Variants in TMEM213 observed in about 807,000 individuals in gnomAD.
The protein encoded by TMEM213 is transmembrane protein 213.
TMEM213 carries 7 observed loss-of-function variants against 11.6 expected under a neutral mutation model. The ratio of observed to expected loss-of-function variants is 0.60; its 90% confidence interval spans 0.34 to 1.13. TMEM213 has a LOEUF of 1.13. Among genes scored for constraint, TMEM213 ranks in the 50% most tolerant of loss-of-function variants. TMEM213 has a pLI of 0.03. For synonymous variants in TMEM213, 60 were observed against 58.3 expected (o/e 1.03, Z -0.13); for missense variants, 129 against 139.0 (o/e 0.93, Z 0.36).
chr7:138,802,924 C>A lies in TMEM213; in HGVS notation c.179C>A (p.Ala60Asp). ...CLNVDFCPQA[A>D]RCCRTGVDEY... Reference sequence around the variant, plus strand: ...GACGTGGACTTCTGCCCACAAGCAGCCCGGTGCTGCCGCACAGGAGTGGAC... The same window carrying A: ...GACGTGGACTTCTGCCCACAAGCAGACCGGTGCTGCCGCACAGGAGTGGAC... The change falls in exon 3 of 3, where the codon GCC becomes GAC. Residue 60 changes from alanine to aspartate, a missense_variant. Coordinates refer to ENST00000442682, the MANE Select transcript of TMEM213 (RefSeq NM_001085429.2). The A allele has an allele frequency of 6.3e-7, 1 of 1,593,788 alleles. No homozygotes were observed. The highest frequency in any genetic ancestry group is 8.5e-7 in the Non-Finnish European group (1 of 1,171,868).
At chr7:138,798,400 G>T in intron 1 of TMEM213, 1 of 566,598 alleles carries the variant, frequency 1.8e-6, no homozygotes, top group Admixed American at 3.1e-5. Context: ...GCCTGAGACG[G>T]AGATCAGATA....
chr7:138,806,327 T>C lies in TMEM213; in HGVS notation c.*3258T>C, dbSNP rs1809100348. On this transcript the variant is annotated 3_prime_UTR_variant, in exon 3 of 3. Transcript: ENST00000442682. ...GAATTTGAGACCAGCCTGGGCAACATGGCGAAACCCCACCTCTACAAAAAA... is the reference window on the plus strand; with the variant it reads ...GAATTTGAGACCAGCCTGGGCAACACGGCGAAACCCCACCTCTACAAAAAA... The C allele has an allele frequency of 6.6e-6, 1 of 152,144 alleles. No individual in the cohort carries two copies. The highest frequency in any genetic ancestry group is 1.5e-5 in the Non-Finnish European group (1 of 68,058). 9.4% of individuals were successfully genotyped at this position (152,144 alleles called of 1,614,324 possible).
chr7:138,801,022 C>T (rs969423313), intron 1 of TMEM213, among the ~76,000 whole-genome samples: 17 of 151,930 alleles, frequency 1.1e-4, no homozygotes, highest in Admixed American at 6.6e-4. Flanking sequence ...ATAAGGACCC[C>T]GCCATATTGG....
At position 138,802,967 on chromosome 7, in the gene TMEM213, G is replaced by A. The variant is rs375803980; in HGVS notation, c.222G>A (p.Ala74=). The change falls in exon 3 of 3, where the codon GCG becomes GCA. Residue 74 remains alanine (A), a synonymous_variant. Coordinates refer to ENST00000442682, the MANE Select transcript of TMEM213 (RefSeq NM_001085429.2). ...GAGTGGACGAGTACGGCTGGATCGC[G>A]GCAGCTGTTGGCTGGAGCCTCTGGT... is the stretch of plus-strand genomic sequence containing the variant. ...RTGVDEYGWI[A]AAVGWSLWFL... 4.9e-5 allele frequency: 79 copies of A among 1,612,894 alleles called. No individual in the cohort carries two copies. The highest frequency in any genetic ancestry group is 1.0e-4 in the Admixed American group (6 of 59,872).
chr7:138,801,447 T>A, intron 2 of TMEM213, 49 bp downstream of exon 2: 1 of 1,551,328 alleles, frequency 6.4e-7, no homozygotes, highest in African/African-American at 1.4e-5. Context: ...GCCCTCAGCC[T>A]GGGAGGGAAA....
At chr7:138,798,290 G>T in intron 1 of TMEM213, 104 bp downstream of exon 1, 2 of 1,074,018 alleles carry the variant, frequency 1.9e-6, no homozygotes, top group Non-Finnish European at 2.6e-6. Context: ...CTTTGGCCAG[G>T]GTTGGTCCTG....
chr7:138,801,242 A>T, intron 1 of TMEM213, 85 bp from the exon 2 acceptor site: 1 of 1,236,038 alleles, frequency 8.1e-7, no homozygotes. Context: ...AATACTCACT[A>T]CTGATTTACA....
chr7:138,804,850 C>T lies in TMEM213; in HGVS notation c.*1781C>T, dbSNP rs185594118. 1 of 152,254 alleles carries T rather than the reference C, an allele frequency of 6.6e-6. No homozygotes were observed. Among genetic ancestry groups the T allele is most frequent in the Admixed American group, 6.5e-5 (1 of 15,300 alleles). 9.4% of individuals were successfully genotyped at this position (152,254 alleles called of 1,614,324 possible). A position where few individuals can be genotyped will look rare whatever the true frequency, so the allele number is the denominator to read the frequency against. ...GCAGAGGAGGAGAGGGCAGGTTCAT[C>T]AGAAGAAAGAAAGGACAAAATGACT... On this transcript the variant is annotated 3_prime_UTR_variant, in exon 3 of 3. Coordinates refer to ENST00000442682, the MANE Select transcript of TMEM213 (RefSeq NM_001085429.2).
intron 1 of TMEM213, among the ~76,000 whole-genome samples, chr7:138,800,704 CTTT>C (rs36090112): frequency 1.9e-4 from 7 of 37,598 alleles, no homozygotes; most frequent in South Asian, 2.6e-3. Context: ...TCTTCTTCTT[CTTT>C]TTTTTTTTTT....
At chr7:138,798,807 G>T (rs3807330) in intron 1 of TMEM213, among the ~76,000 whole-genome samples, 52,116 of 151,902 alleles carry the variant, frequency 0.34, 9,101 homozygotes, top group South Asian at 0.41. Context: ...GCCCTGCCAG[G>T]CCGGGTTCTG....
At chr7:138,799,794 G>A (rs1239911859) in intron 1 of TMEM213, among the ~76,000 whole-genome samples, 1 of 152,226 alleles carries the variant, frequency 6.6e-6, no homozygotes, top group East Asian at 1.9e-4. Context: ...GTAACAGATT[G>A]CATCGAGGCA....
In TMEM213 at chr7:138,798,056, C is replaced by T. The variant is rs1486213670; in HGVS notation, c.-49C>T. ...CACCTGCAGCAGGCACTCGGCACAA[C>T]TCCGCAGGACCGGCTCACCTGCACC... On this transcript the variant is annotated 5_prime_UTR_variant, in exon 1 of 3. Coordinates refer to ENST00000442682, the MANE Select transcript of TMEM213 (RefSeq NM_001085429.2). 10 of 1,562,550 alleles carry T rather than the reference C, an allele frequency of 6.4e-6. No individual in the cohort carries two copies. Among genetic ancestry groups the T allele is most frequent in the Non-Finnish European group, 7.8e-6 (9 of 1,153,656 alleles).
Position 138,804,613 on chromosome 7 carries a change from G to T in TMEM213, c.*1544G>T, listed in dbSNP as rs1184848257. Reference sequence around the variant, plus strand: ...CCCTATTCAAGTTTGTCCAATGAGTGCATGGGTGAATTAATGAATGAATGA... The same window carrying T: ...CCCTATTCAAGTTTGTCCAATGAGTTCATGGGTGAATTAATGAATGAATGA... On this transcript the variant is annotated 3_prime_UTR_variant, in exon 3 of 3. Coordinates refer to ENST00000442682, the MANE Select transcript of TMEM213 (RefSeq NM_001085429.2). The T allele has an allele frequency of 6.6e-6, 1 of 152,238 alleles. No homozygotes were observed. The highest frequency in any genetic ancestry group is 2.4e-5 in the African/African-American group (1 of 41,448). The allele number at this position is 152,238 out of a possible 1,614,324, so 9.4% of individuals were successfully genotyped here. A position where few individuals can be genotyped will look rare whatever the true frequency, so the allele number is the denominator to read the frequency against.
Position 138,805,237 on chromosome 7 carries a change from AAAAAAAG to A in TMEM213, c.*2170_*2176del, listed in dbSNP as rs1335474211. The A allele has an allele frequency of 6.1e-5, 8 of 131,348 alleles. No individual in the cohort carries two copies. The highest frequency in any genetic ancestry group is 1.6e-4 in the African/African-American group (6 of 37,908). 8.1% of individuals were successfully genotyped at this position (131,348 alleles called of 1,614,324 possible). A position where few individuals can be genotyped will look rare whatever the true frequency, so the allele number is the denominator to read the frequency against. On this transcript the variant is annotated 3_prime_UTR_variant, in exon 3 of 3. Coordinates refer to ENST00000442682, the MANE Select transcript of TMEM213 (RefSeq NM_001085429.2). ...ATGAGACCCTGTCTCTACAAAAAAAAAAAAAAGATTAGCCAGGCGTGGTGGTGCACAC... is the reference window on the plus strand; with the variant it reads ...ATGAGACCCTGTCTCTACAAAAAAAAATTAGCCAGGCGTGGTGGTGCACAC...
At chr7:138,800,284 C>T (rs1217302546) in intron 1 of TMEM213, among the ~76,000 whole-genome samples, 4 of 152,126 alleles carry the variant, frequency 2.6e-5, no homozygotes, top group Non-Finnish European at 1.5e-5. Flanking sequence ...TAAACAACCA[C>T]AGGTGGCTAG....
Position 138,804,533 on chromosome 7 carries a change from GT to G in TMEM213, c.*1466del, listed in dbSNP as rs1809044335. ...TTCTGCTCTGCCCTGATGTGCAGTT[GT>G]TGTGAATGGGCCACTCCATAGTTTA... On this transcript the variant is annotated 3_prime_UTR_variant, in exon 3 of 3. Transcript: ENST00000442682. The G allele has an allele frequency of 6.6e-6, 1 of 152,324 alleles. No homozygotes were observed. Among genetic ancestry groups the G allele is most frequent in the Non-Finnish European group, 1.5e-5 (1 of 68,134 alleles). The allele number at this position is 152,324 out of a possible 1,614,324, so 9.4% of individuals were successfully genotyped here. A position where few individuals can be genotyped will look rare whatever the true frequency, so the allele number is the denominator to read the frequency against.
chr7:138,802,396 A>T (rs1373317982), intron 2 of TMEM213, among the ~76,000 whole-genome samples: 1 of 151,708 alleles, frequency 6.6e-6, no homozygotes, highest in Non-Finnish European at 1.5e-5. Context: ...CTAAAAATAC[A>T]AAACATTAGC....
Position 138,803,987 on chromosome 7 carries a change from A to G in TMEM213, c.*918A>G, listed in dbSNP as rs1380018865. 1 of 152,292 alleles carries G rather than the reference A, an allele frequency of 6.6e-6. No individual in the cohort carries two copies. Among genetic ancestry groups the G allele is most frequent in the East Asian group, 1.9e-4 (1 of 5,194 alleles). The allele number at this position is 152,292 out of a possible 1,614,324, so 9.4% of individuals were successfully genotyped here. A position where few individuals can be genotyped will look rare whatever the true frequency, so the allele number is the denominator to read the frequency against. ...TGAGAATCCCCTTGACACTCCCACCATCTTCACCCCCACCTCAGGTCCTTC... is the reference window on the plus strand; with the variant it reads ...TGAGAATCCCCTTGACACTCCCACCGTCTTCACCCCCACCTCAGGTCCTTC... On this transcript the variant is annotated 3_prime_UTR_variant, in exon 3 of 3. Coordinates refer to ENST00000442682, the MANE Select transcript of TMEM213 (RefSeq NM_001085429.2).
rs185531223 is a variant in TMEM213, at chr7:138,803,369, A to G, written c.*300A>G. 386 of 364,226 alleles carry G rather than the reference A, an allele frequency of 1.1e-3. 2 individuals are homozygous for G. Among genetic ancestry groups the G allele is most frequent in the African/African-American group, 7.5e-3 (349 of 46,702 alleles). 22.6% of individuals were successfully genotyped at this position (364,226 alleles called of 1,614,324 possible). Reference sequence around the variant, plus strand: ...CACCAAGGGAGGTGCACAAGAAACTATAAGACTTAGTCTCATCATCAACAT... The same window carrying G: ...CACCAAGGGAGGTGCACAAGAAACTGTAAGACTTAGTCTCATCATCAACAT... On this transcript the variant is annotated 3_prime_UTR_variant, in exon 3 of 3. Transcript: ENST00000442682.
Sources: gnomAD v4.1 joint callset for allele counts (sites outside exome capture counted in the v4.1 genomes callset) on GRCh38, gnomAD v4.1.1 for gene constraint, MANE v1.5 for transcripts, NCBI Gene and HGNC (gene_info 2026-07-23, HGNC 2026-07-21) for gene names.